Variants in SYT17 observed in about 807,000 individuals in gnomAD.
SYT17 encodes synaptotagmin 17.
A neutral mutation model predicts 46.7 loss-of-function variants in SYT17; 22 were observed. The observed-to-expected ratio is 0.47, with a 90% CI of 0.34 to 0.67. SYT17 has a LOEUF of 0.67. Among genes scored for constraint, SYT17 ranks in the 30% least tolerant of loss-of-function variants. SYT17 has a pLI of 0.01. For missense variants in SYT17, 519 were observed against 612.8 expected (o/e 0.85, Z 1.62); for synonymous variants, 251 against 248.4 (o/e 1.01, Z -0.10).
chr16:19,215,605 G>A (rs1213000362), intron 5 of SYT17, among the ~76,000 whole-genome samples: 1 of 151,854 alleles, frequency 6.6e-6, no homozygotes, highest in Non-Finnish European at 1.5e-5. Flanking sequence ...TAGCAAAGTG[G>A]GGCATCTCAC....
At position 19,223,180 on chromosome 16, in the gene SYT17, C is replaced by T. The variant is rs1966385600; in HGVS notation, c.1072+15C>T. Reference sequence around the variant, plus strand: ...CCAAGGTTCAGGTACCGTGTGATTCCCCTCTTCTCTCACTTTATTAATGGG... The same window carrying T: ...CCAAGGTTCAGGTACCGTGTGATTCTCCTCTTCTCTCACTTTATTAATGGG... On this transcript the variant is annotated intron_variant, in intron 6 of 7. Coordinates refer to ENST00000355377, the MANE Select transcript of SYT17 (RefSeq NM_016524.4). 1.2e-6 allele frequency: 2 copies of T among 1,610,928 alleles called. No individual in the cohort carries two copies. Among genetic ancestry groups the T allele is most frequent in the South Asian group, 1.1e-5 (1 of 90,898 alleles).
chr16:19,171,392 C>T (rs373857142), intron 1 of SYT17: 16 of 153,176 alleles, frequency 1.0e-4, no homozygotes, highest in South Asian at 8.1e-4. Context: ...GGTGCGATCT[C>T]GGCTCACTGC....
intron 3 of SYT17, among the ~76,000 whole-genome samples, chr16:19,178,218 G>A (rs1442503242): frequency 6.6e-6 from 1 of 151,792 alleles, no homozygotes; most frequent in African/African-American, 2.4e-5. Flanking sequence ...GAGTAGCTGG[G>A]ACTACAGGCG....
At chr16:19,211,581 C>T (rs1010945882) in intron 5 of SYT17, 1 of 648,236 alleles carries the variant, frequency 1.5e-6, no homozygotes, top group Non-Finnish European at 2.8e-6. Context: ...TTGAGATTCC[C>T]AGGGAATAGC....
At chr16:19,172,800 T>C in intron 2 of SYT17, 23 bp downstream of exon 2, 1 of 1,614,000 alleles carries the variant, frequency 6.2e-7, no homozygotes, top group Non-Finnish European at 8.5e-7. Context: ...GATGATTTGT[T>C]TGGTCTGGTT....
At chr16:19,243,086 G>A (rs1156498831) in intron 7 of SYT17, among the ~76,000 whole-genome samples, 1 of 152,278 alleles carries the variant, frequency 6.6e-6, no homozygotes, top group Non-Finnish European at 1.5e-5. Context: ...ACAGAATGTA[G>A]TTGGCTTATC....
intron 7 of SYT17, among the ~76,000 whole-genome samples, chr16:19,262,355 A>T (rs1243289798): frequency 6.6e-6 from 1 of 152,188 alleles, no homozygotes; most frequent in Admixed American, 6.5e-5. Flanking sequence ...ACCACCTATG[A>T]AGGAGAGCAA....
chr16:19,206,821 C>T (rs975008984), intron 5 of SYT17, among the ~76,000 whole-genome samples: 2 of 152,176 alleles, frequency 1.3e-5, no homozygotes, highest in African/African-American at 4.8e-5. Flanking sequence ...TACTCCTGTA[C>T]GACCTCATCT....
At chr16:19,265,209 C>T (rs1282065127) in intron 7 of SYT17, among the ~76,000 whole-genome samples, 1 of 152,128 alleles carries the variant, frequency 6.6e-6, no homozygotes, top group Non-Finnish European at 1.5e-5. Context: ...GCAGAGAGCT[C>T]CTTAGCAATT....
At chr16:19,247,633 C>T (rs67717272) in intron 7 of SYT17, among the ~76,000 whole-genome samples, 13,874 of 152,206 alleles carry the variant, frequency 0.091, 1,186 homozygotes, top group East Asian at 0.22. Flanking sequence ...CTCCTTGCCC[C>T]GCAGAAGATT....
At chr16:19,264,714 C>T (rs911692141) in intron 7 of SYT17, among the ~76,000 whole-genome samples, 1 of 152,032 alleles carries the variant, frequency 6.6e-6, no homozygotes, top group Non-Finnish European at 1.5e-5. Flanking sequence ...ACCTCAGCCT[C>T]CTGAGTAGCT....
intron 5 of SYT17, among the ~76,000 whole-genome samples, chr16:19,184,985 A>C (rs1406743434): frequency 6.6e-6 from 1 of 152,094 alleles, no homozygotes; most frequent in East Asian, 1.9e-4. Flanking sequence ...GCTGTTGTGC[A>C]TTCCTGCATA....
rs952084185 is a variant in SYT17, at chr16:19,206,308, C to A, written c.952-16737C>A. On this transcript the variant is annotated intron_variant, in intron 5 of 7. Coordinates refer to ENST00000355377, the MANE Select transcript of SYT17 (RefSeq NM_016524.4). Reference sequence around the variant, plus strand: ...CGGAAACATTTCAAGAAAGATCAGCCTTCTCCACTAGAACTTCATGGGGTA... The same window carrying A: ...CGGAAACATTTCAAGAAAGATCAGCATTCTCCACTAGAACTTCATGGGGTA... Among the ~76,000 whole-genome samples the A allele has an allele frequency of 1.3e-5, 2 of 152,160 alleles. 1 individual carries two copies. The highest frequency in any genetic ancestry group is 4.8e-5 in the African/African-American group (2 of 41,436).
rs1392332507 is a variant in SYT17, at chr16:19,267,933, A to T, written c.*857A>T. 6.9e-6 allele frequency: 1 copy of T among 145,660 alleles called. No individual in the cohort carries two copies. The highest frequency in any genetic ancestry group is 1.5e-5 in the Non-Finnish European group (1 of 67,654). The allele number at this position is 145,660 out of a possible 1,614,324, so 9.0% of individuals were successfully genotyped here. On this transcript the variant is annotated 3_prime_UTR_variant, in exon 8 of 8. Transcript: ENST00000355377. ...CTGTCAGAGATCCCACTTTGGATAA[A>T]AGTAGTGTGTGTGTGTGTGTGTGTG...
chr16:19,195,565 A>C (rs1343531715), intron 5 of SYT17, among the ~76,000 whole-genome samples: 1 of 151,982 alleles, frequency 6.6e-6, no homozygotes, highest in African/African-American at 2.4e-5. Flanking sequence ...AAAATACAAA[A>C]ATTAGCTGGG....
chr16:19,179,776 T>C (rs1055585583), intron 3 of SYT17, among the ~76,000 whole-genome samples: 1 of 152,198 alleles, frequency 6.6e-6, no homozygotes, highest in Non-Finnish European at 1.5e-5. Context: ...TACATCCTCC[T>C]TCCCAATTTC....
chr16:19,248,446 G>T (rs1288267482), intron 7 of SYT17, among the ~76,000 whole-genome samples: 1 of 152,166 alleles, frequency 6.6e-6, no homozygotes, highest in Non-Finnish European at 1.5e-5. Flanking sequence ...AGCATTATTT[G>T]TAATCACCAA....
At chr16:19,252,841 C>A (rs1968286999) in intron 7 of SYT17, among the ~76,000 whole-genome samples, 1 of 151,938 alleles carries the variant, frequency 6.6e-6, no homozygotes, top group South Asian at 2.1e-4. Context: ...TCCCCTCCCC[C>A]ATCACTATAG....
rs985055860 is a variant in SYT17, at chr16:19,168,453, C to A, written c.-194C>A. On this transcript the variant is annotated 5_prime_UTR_variant, in exon 1 of 8. Transcript: ENST00000355377. This position sits in a 1 kb window ranked among gnomAD's most constrained non-coding sequence, Gnocchi z 6.9. ...GCGGCCCCGATTCCGAGAGCCGGAA[C>A]GCAGGGAAAGGCAAGGACGGGGCGG... 3 of 695,038 alleles carry A rather than the reference C, an allele frequency of 4.3e-6. No individual in the cohort carries two copies. Among genetic ancestry groups the A allele is most frequent in the South Asian group, 2.0e-5 (1 of 50,784 alleles). The allele number at this position is 695,038 out of a possible 1,614,324, so 43.1% of individuals were successfully genotyped here. A position where few individuals can be genotyped will look rare whatever the true frequency, so the allele number is the denominator to read the frequency against.
Sources: gnomAD v4.1 joint callset for allele counts (sites outside exome capture counted in the v4.1 genomes callset) on GRCh38, gnomAD v4.1.1 for gene constraint, Gnocchi (gnomAD v3.1) non-coding constraint, MANE v1.5 for transcripts, NCBI Gene and HGNC (gene_info 2026-07-23, HGNC 2026-07-21) for gene names.